The following CBR4 variants were observed in gnomAD, a reference collection of about 807,000 sequenced individuals.
CBR4 encodes the protein 3-oxoacyl-[acyl-carrier-protein] reductase.
A neutral mutation model predicts 21.0 loss-of-function variants in CBR4; 22 were observed. The ratio of observed to expected loss-of-function variants is 1.05; its 90% confidence interval spans 0.75 to 1.50. CBR4 has a LOEUF of 1.50. CBR4 is among the 40% of genes most tolerant of loss of function. CBR4 has a pLI of 0.00. For synonymous variants in CBR4, 100 were observed against 104.4 expected, an observed-to-expected ratio of 0.96 and a Z score of 0.26; for missense variants, 302 against 286.3, an observed-to-expected ratio of 1.05 and a Z score of -0.40.
chr4:168,950,708 G>A (rs973917952), intron 2 of CBR4, among the ~76,000 whole-genome samples: 1 of 152,066 alleles, frequency 6.6e-6, no homozygotes, highest in Non-Finnish European at 1.5e-5. Flanking sequence ...CACTATTATT[G>A]TGTTGCTTTC....
At position 168,987,986 on chromosome 4, in the gene CBR4, T is replaced by C. The variant is rs1474520111; in HGVS notation, c.*2164A>G. On this transcript the variant is annotated 3_prime_UTR_variant, in exon 5 of 5. Transcript: ENST00000306193. ...GTTAATGCTAAGCACAGAACCCTTA[T>C]GGGCTCATAGGAGTCAGCAAACAGC... 2 of 985,340 alleles carry C rather than the reference T, an allele frequency of 2.0e-6. No individual in the cohort carries two copies. Among genetic ancestry groups the C allele is most frequent in the East Asian group, 1.1e-4 (1 of 8,826 alleles). 61.0% of individuals were successfully genotyped at this position (985,340 alleles called of 1,614,324 possible).
intron 2 of CBR4, among the ~76,000 whole-genome samples, chr4:168,906,300 C>T (rs754599944): frequency 2.0e-5 from 3 of 152,168 alleles, no homozygotes; most frequent in Non-Finnish European, 4.4e-5. Context: ...AGAACATAAA[C>T]GTAAAACTGC....
At chr4:168,997,779 A>G (rs1471658774) in intron 4 of CBR4, among the ~76,000 whole-genome samples, 1 of 152,194 alleles carries the variant, frequency 6.6e-6, no homozygotes, top group Admixed American at 6.5e-5. Context: ...TATCACTAGT[A>G]CTAACAATTG....
intron 2 of CBR4, among the ~76,000 whole-genome samples, chr4:168,921,074 A>G (rs17543365): frequency 0.012 from 1,760 of 152,232 alleles, 20 homozygotes; most frequent in South Asian, 0.054. Context: ...GTTTAAAGCA[A>G]AAGTTTTAAG....
At chr4:168,964,596 G>A (rs1236991967) in intron 2 of CBR4, among the ~76,000 whole-genome samples, 1 of 152,122 alleles carries the variant, frequency 6.6e-6, no homozygotes, top group Non-Finnish European at 1.5e-5. Context: ...AAGAGAATGA[G>A]TATCAGCTGT....
rs548068667 is a variant in CBR4, at chr4:168,924,341, C to T, written n.170-29576G>A. The T allele has an allele frequency of 1.4e-5, 22 of 1,613,644 alleles. No homozygotes were observed. Among genetic ancestry groups the T allele is most frequent in the Admixed American group, 3.3e-5 (2 of 59,996 alleles). ...TGGGTACCCAGTGCGGCTGGAATGT[C>T]GTGTATTGGGAGTGCCACCACCTCA... On this transcript the variant is annotated intron_variant and non_coding_transcript_variant, in intron 2 of 3. Coordinates refer to the CBR4 transcript ENST00000509108.
intron 2 of CBR4, among the ~76,000 whole-genome samples, chr4:168,942,812 T>C (rs1763299167): frequency 6.6e-6 from 1 of 151,998 alleles, no homozygotes; most frequent in Admixed American, 6.6e-5. Context: ...AGGCAAGGGA[T>C]CTGAACGGAT....
intron 2 of CBR4, chr4:168,913,954 A>G (rs1438781222): frequency 1.9e-6 from 3 of 1,612,978 alleles, no homozygotes; most frequent in Non-Finnish European, 2.5e-6. Context: ...TGGACGGCTA[A>G]TGGTACAGGC....
chr4:168,967,241 C>A (rs1578953060), intron 2 of CBR4, among the ~76,000 whole-genome samples: 1 of 151,946 alleles, frequency 6.6e-6, no homozygotes, highest in East Asian at 1.9e-4. Context: ...TCATTCTAAG[C>A]AAACTATTAC....
rs564650416 is a variant in CBR4, at chr4:168,921,434, CT to C, written n.170-26670del. On this transcript the variant is annotated intron_variant and non_coding_transcript_variant, in intron 2 of 3. Transcript: ENST00000509108. The stretch of plus-strand genomic sequence containing the variant: ...AAAAAAAAAAAAAAAAAAGCCACCT[CT>C]TGTACTACTGAAGGAGGAATTTATG... 3.0e-3 allele frequency: 2,006 copies of C among 661,276 alleles called. 17 individuals are homozygous for C. The highest frequency in any genetic ancestry group is 6.9e-3 in the South Asian group (420 of 60,500). The allele number at this position is 661,276 out of a possible 1,614,324, so 41.0% of individuals were successfully genotyped here. A position where few individuals can be genotyped will look rare whatever the true frequency, so the allele number is the denominator to read the frequency against.
intron 2 of CBR4, among the ~76,000 whole-genome samples, chr4:168,976,676 G>C (rs899927868): frequency 1.3e-5 from 2 of 152,220 alleles, no homozygotes; most frequent in Non-Finnish European, 2.9e-5. Context: ...CTTCTCAAAG[G>C]TGTGGAGGGT....
At chr4:168,962,470 A>G (rs950742255) in intron 2 of CBR4, among the ~76,000 whole-genome samples, 1 of 152,186 alleles carries the variant, frequency 6.6e-6, no homozygotes, top group African/African-American at 2.4e-5. Flanking sequence ...ACGGGATGGA[A>G]GAGAAGAAAG....
chr4:168,923,842 A>G (rs904103251), intron 2 of CBR4, among the ~76,000 whole-genome samples: 3 of 152,218 alleles, frequency 2.0e-5, no homozygotes, highest in African/African-American at 7.2e-5. Flanking sequence ...GAGGGAATCT[A>G]AGTGGTCAAA....
intron 2 of CBR4, among the ~76,000 whole-genome samples, chr4:168,930,067 C>A (rs1329934766): frequency 6.6e-6 from 1 of 152,070 alleles, no homozygotes; most frequent in African/African-American, 2.4e-5. Flanking sequence ...AATTATATTA[C>A]AAATATTGAA....
intron 2 of CBR4, chr4:168,924,218 A>G (rs745914691): frequency 2.5e-6 from 4 of 1,579,052 alleles, no homozygotes; most frequent in East Asian, 2.2e-5. Context: ...CTCCTTTTGT[A>G]TATCATTGAT....
chr4:169,002,176 C>A lies in CBR4; in HGVS notation c.430G>T (p.Gly144Cys). 1 of 1,486,722 alleles carries A rather than the reference C, an allele frequency of 6.7e-7. No individual in the cohort carries two copies. Among genetic ancestry groups the A allele is most frequent in the Admixed American group, 2.2e-5 (1 of 44,536 alleles). The allele number at this position is 1,486,722 out of a possible 1,614,324, so 92.1% of individuals were successfully genotyped here. A position where few individuals can be genotyped will look rare whatever the true frequency, so the allele number is the denominator to read the frequency against. The change falls in exon 4 of 5, where the codon GGC (glycine) becomes TGC (cysteine). Residue 144 changes from glycine (G) to cysteine (C), a missense_variant. Transcript: ENST00000306193. ...TTACTGGCACTGTAAACGGACTGGC[C>A]AGAGTTGCCTTTTAAGCCAACAATG... ...GSIVGLKGNSGQSVYSASKGG... is the reference protein window; with the variant it reads ...GSIVGLKGNSCQSVYSASKGG...
chr4:168,993,674 C>G lies in CBR4; in HGVS notation c.536-3346G>C, dbSNP rs547092317. 2.6e-5 allele frequency among the ~76,000 whole-genome samples: 4 copies of G among 152,286 alleles called. No homozygotes were observed. In the East Asian group the frequency reaches 7.7e-4, roughly 29 times the overall value. On this transcript the variant is annotated intron_variant, in intron 4 of 4. Transcript: ENST00000306193. Reference sequence around the variant, plus strand: ...TTATCCTTTAAGTTCTTTTCAAACTCTAGCAAAATTAGCATAGAATACTTC... The same window carrying G: ...TTATCCTTTAAGTTCTTTTCAAACTGTAGCAAAATTAGCATAGAATACTTC...
chr4:168,984,829 T>C (rs927079021), downstream of CBR4, among the ~76,000 whole-genome samples: 1 of 152,096 alleles, frequency 6.6e-6, no homozygotes, highest in African/African-American at 2.4e-5. Flanking sequence ...TCCTATTCAA[T>C]AAATGGTGCT....
intron 2 of CBR4, chr4:168,924,198 C>A: frequency 6.7e-7 from 1 of 1,493,660 alleles, no homozygotes; most frequent in South Asian, 1.1e-5. Context: ...CTTCTGAATT[C>A]TTTCTAGTGC....
Sources: gnomAD v4.1 joint callset for allele counts (sites outside exome capture counted in the v4.1 genomes callset) on GRCh38, gnomAD v4.1.1 for gene constraint, MANE v1.5 for transcripts, NCBI Gene and HGNC (gene_info 2026-07-23, HGNC 2026-07-21) for gene names.